TRERF1: variants seen among roughly 807,000 people sequenced by gnomAD.
TRERF1 encodes the protein transcriptional regulating factor 1, also known as transcriptional-regulating factor 1.
TRERF1 carries 27 observed loss-of-function variants against 122.9 expected under a neutral mutation model. The observed-to-expected ratio is 0.22, with a 90% CI of 0.16 to 0.30. TRERF1 has a LOEUF of 0.30. TRERF1 is among the 10% of genes least tolerant of loss of function. The pLI, the probability that TRERF1 is intolerant of heterozygous loss-of-function variation, is 1.00. For missense variants in TRERF1, 1,248 were observed against 1,560.3 expected, an observed-to-expected ratio of 0.80 and a Z score of 3.37; for synonymous variants, 636 against 641.7, an observed-to-expected ratio of 0.99 and a Z score of 0.13.
intron 4 of TRERF1, among the ~76,000 whole-genome samples, chr6:42,298,255 A>G (rs1785432464): frequency 6.6e-6 from 1 of 151,862 alleles, no homozygotes; most frequent in Non-Finnish European, 1.5e-5. Flanking sequence ...TCCAGGGTTC[A>G]AGTGATTCTT....
At chr6:42,351,569 C>T (rs260225) in intron 3 of TRERF1, among the ~76,000 whole-genome samples, 20,870 of 152,196 alleles carry the variant, frequency 0.14, 1,808 homozygotes, top group East Asian at 0.24. Context: ...AGATCATGTG[C>T]TTTATAAATA....
At chr6:42,352,992 A>C (rs1769754485) in intron 3 of TRERF1, among the ~76,000 whole-genome samples, 1 of 152,192 alleles carries the variant, frequency 6.6e-6, no homozygotes, top group African/African-American at 2.4e-5. Flanking sequence ...TGGCATGACA[A>C]CAGGAAAAAA....
intron 5 of TRERF1, among the ~76,000 whole-genome samples, chr6:42,266,042 C>G (rs1246723696): frequency 2.0e-5 from 3 of 152,070 alleles, no homozygotes; most frequent in Non-Finnish European, 4.4e-5. Flanking sequence ...CACAACAAGC[C>G]CACCAGGATG....
intron 4 of TRERF1, among the ~76,000 whole-genome samples, chr6:42,290,741 CT>C (rs144168592): frequency 0.031 from 2,907 of 92,330 alleles, 46 homozygotes; most frequent in East Asian, 0.12. Flanking sequence ...CATTTCTTTC[CT>C]TTTTTTTTTT....
rs756541036 is a variant in TRERF1 at position 42,232,848 on chromosome 6, G to A, written c.3111C>T (p.His1037=). ...CCTTGGTCACCTGGTTGGTGCCCCC[G>A]TGGATGCGGGCATGGCCATTCAGTG... The change falls in exon 17 of 18, where the codon CAC becomes CAT. Residue 1037 remains histidine (H), a synonymous_variant. Transcript: ENST00000372922. The surrounding 1 kb of genome is among the most constrained non-coding windows in gnomAD (Gnocchi z 4.5). The A allele has an allele frequency of 8.7e-6, 14 of 1,610,864 alleles. No homozygotes were observed. In the South Asian group the frequency reaches 1.1e-4, roughly 13 times the overall value.
intron 3 of TRERF1, among the ~76,000 whole-genome samples, chr6:42,303,162 T>C (rs1582917204): frequency 6.6e-6 from 1 of 152,200 alleles, no homozygotes; most frequent in African/African-American, 2.4e-5. Flanking sequence ...GTGCCTAGTA[T>C]GTACTAGGCA....
chr6:42,401,559 A>G (rs560665626), intron 2 of TRERF1, among the ~76,000 whole-genome samples: 1 of 152,284 alleles, frequency 6.6e-6, no homozygotes, highest in East Asian at 1.9e-4. Flanking sequence ...ATGCACAAAA[A>G]GATTTTATCC....
In TRERF1 at chr6:42,332,319, G is replaced by A. The variant is rs970288323; in HGVS notation, c.-371+30678C>T. On this transcript the variant is annotated intron_variant, in intron 3 of 17. Transcript: ENST00000372922. ...AGAGACAAGGTGAGGTGTAGCAGGCGGGGCCAAGCCCAAGAACGCGGTGCC... is the reference window on the plus strand; with the variant it reads ...AGAGACAAGGTGAGGTGTAGCAGGCAGGGCCAAGCCCAAGAACGCGGTGCC... Among the ~76,000 whole-genome samples the A allele has an allele frequency of 6.6e-5, 10 of 152,360 alleles. No individual in the cohort carries two copies. The South Asian group carries it at 1.0e-3, about 16-fold the overall frequency.
At chr6:42,411,569 T>C (rs1234312488) in intron 2 of TRERF1, among the ~76,000 whole-genome samples, 1 of 152,182 alleles carries the variant, frequency 6.6e-6, no homozygotes, top group Non-Finnish European at 1.5e-5. Context: ...GCCAGAATAG[T>C]GTCTGAGCCC....
intron 13 of TRERF1, among the ~76,000 whole-genome samples, chr6:42,251,508 G>C (rs571392921): frequency 2.6e-5 from 4 of 152,194 alleles, no homozygotes; most frequent in African/African-American, 7.2e-5. Flanking sequence ...TCCAGAATTT[G>C]AGCTTGTCCA....
At chr6:42,378,886 C>T (rs1422929699) in intron 2 of TRERF1, among the ~76,000 whole-genome samples, 1 of 152,130 alleles carries the variant, frequency 6.6e-6, no homozygotes, top group Admixed American at 6.5e-5. Flanking sequence ...GAGGCCAAGG[C>T]AGGCAGATTG....
intron 3 of TRERF1, among the ~76,000 whole-genome samples, chr6:42,361,929 C>A (rs1390818058): frequency 2.0e-5 from 3 of 152,146 alleles, no homozygotes; most frequent in Non-Finnish European, 2.9e-5. Context: ...GATATTTATT[C>A]TTTTGGCTCC....
intron 13 of TRERF1, among the ~76,000 whole-genome samples, chr6:42,253,044 C>T (rs1582577264): frequency 6.6e-6 from 1 of 152,300 alleles, no homozygotes; most frequent in East Asian, 1.9e-4. Context: ...AAACCCCTAA[C>T]CTCAAGAGAT....
At chr6:42,344,036 G>A (rs935216895) in intron 3 of TRERF1, among the ~76,000 whole-genome samples, 4 of 152,216 alleles carry the variant, frequency 2.6e-5, no homozygotes, top group African/African-American at 9.6e-5. Flanking sequence ...AGGCAGGAAG[G>A]CACTGCATGG....
At chr6:42,372,032 A>C (rs924999174) in intron 2 of TRERF1, among the ~76,000 whole-genome samples, 3 of 152,076 alleles carry the variant, frequency 2.0e-5, no homozygotes, top group African/African-American at 4.8e-5. Flanking sequence ...AAATACAAAA[A>C]TTAGCCGGGC....
intron 3 of TRERF1, among the ~76,000 whole-genome samples, chr6:42,361,588 C>T (rs1350148183): frequency 1.3e-5 from 2 of 152,212 alleles, no homozygotes; most frequent in East Asian, 1.9e-4. Context: ...GGACTGGGAT[C>T]TCCGTTGCTC....
At chr6:42,326,189 A>T (rs78355699) in intron 3 of TRERF1, among the ~76,000 whole-genome samples, 1 of 152,058 alleles carries the variant, frequency 6.6e-6, no homozygotes, top group African/African-American at 2.4e-5. Context: ...TAAAAAAAAA[A>T]TTCAGTGCAA....
Position 42,268,425 on chromosome 6 carries a change from G to T in TRERF1, c.1166C>A (p.Pro389His), listed in dbSNP as rs1482413093. Residue 389 changes from proline to histidine, a missense_variant, in exon 5 of 18, where the codon CCC becomes CAC. Pro to His is a moderately conservative substitution (Grantham distance 77). Coordinates refer to ENST00000372922, the Ensembl canonical transcript of TRERF1. The surrounding 1 kb of genome is among the most constrained non-coding windows in gnomAD (Gnocchi z 4.4). ...GGACAGGTGGCTCTGCTGGTAGAGGGGGTGGCTGTAGGGCTGCTGGGGCTC... is the reference window on the plus strand; with the variant it reads ...GGACAGGTGGCTCTGCTGGTAGAGGTGGTGGCTGTAGGGCTGCTGGGGCTC... 3 of 1,565,846 alleles carry T rather than the reference G, an allele frequency of 1.9e-6. No individual in the cohort carries two copies. Among genetic ancestry groups the T allele is most frequent in the Admixed American group, 1.8e-5 (1 of 55,092 alleles).
At chr6:42,399,617 C>T (rs1779112266) in intron 2 of TRERF1, among the ~76,000 whole-genome samples, 1 of 152,208 alleles carries the variant, frequency 6.6e-6, no homozygotes, top group African/African-American at 2.4e-5. Context: ...CAAGCAAGTT[C>T]TTCCAGTTTT....
Sources: allele counts gnomAD v4.1 joint callset (sites outside exome capture counted in the v4.1 genomes callset), GRCh38; gene constraint gnomAD v4.1.1; non-coding constraint Gnocchi (gnomAD v3.1); transcripts MANE v1.5; gene names NCBI Gene and HGNC (gene_info 2026-07-23, HGNC 2026-07-21).